The following SLC16A10 variants were observed in gnomAD, a reference collection of about 807,000 sequenced individuals.
The protein encoded by SLC16A10 is monocarboxylate transporter 10.
In SLC16A10, 27 loss-of-function variants were observed where a neutral mutation model predicts 40.0. The ratio of observed to expected loss-of-function variants is 0.67; its 90% CI spans 0.50 to 0.93. The LOEUF is 0.93. Among genes scored for constraint, SLC16A10 ranks in the 40% least tolerant of loss-of-function variants. The pLI is 0.00. For synonymous variants in SLC16A10, 213 were observed against 249.8 expected, an observed-to-expected ratio of 0.85 and a Z score of 1.39; for missense variants, 529 against 658.2, an observed-to-expected ratio of 0.80 and a Z score of 2.15.
At chr6:111,164,589 G>A (rs931948941) in intron 1 of SLC16A10, among the ~76,000 whole-genome samples, 2 of 151,712 alleles carry the variant, frequency 1.3e-5, no homozygotes, top group Non-Finnish European at 2.9e-5. Context: ...GTGAAAATCC[G>A]TCTCTACTAA....
intron 1 of SLC16A10, among the ~76,000 whole-genome samples, chr6:111,117,384 G>T (rs899814082): frequency 6.7e-6 from 1 of 149,692 alleles, no homozygotes; most frequent in Admixed American, 6.6e-5. Flanking sequence ...AAAGTGGGAG[G>T]GTCAAAGCCA....
chr6:111,172,956 T>TA, intron 2 of SLC16A10, 117 bp downstream of exon 2: 1 of 1,300,196 alleles, frequency 7.7e-7, no homozygotes, highest in Non-Finnish European at 1.1e-6. Flanking sequence ...TTTAAAACTT[T>TA]AAGCAATATG....
chr6:111,208,258 T>C (rs1773287318), intron 4 of SLC16A10, among the ~76,000 whole-genome samples: 1 of 152,056 alleles, frequency 6.6e-6, no homozygotes, highest in Admixed American at 6.5e-5. Flanking sequence ...GGATTACAGG[T>C]GTGAGCCATG....
chr6:111,170,107 G>A (rs554327258), intron 1 of SLC16A10, among the ~76,000 whole-genome samples: 116 of 151,926 alleles, frequency 7.6e-4, no homozygotes, highest in Non-Finnish European at 1.3e-3. Context: ...TAGTAGAGAC[G>A]AGGTGTCTCC....
intron 1 of SLC16A10, among the ~76,000 whole-genome samples, chr6:111,110,450 A>G (rs1771366429): frequency 6.6e-6 from 1 of 151,968 alleles, no homozygotes; most frequent in Non-Finnish European, 1.5e-5. Context: ...TTGATGGGGT[A>G]AGGTTCATGA....
chr6:111,093,740 C>CTA (rs1161526790), intron 1 of SLC16A10, among the ~76,000 whole-genome samples: 1 of 152,130 alleles, frequency 6.6e-6, no homozygotes, highest in African/African-American at 2.4e-5. Context: ...GTTCATGGTC[C>CTA]TATACATCTT....
intron 1 of SLC16A10, among the ~76,000 whole-genome samples, chr6:111,094,304 A>G (rs945378433): frequency 6.6e-6 from 1 of 151,982 alleles, no homozygotes; most frequent in South Asian, 2.1e-4. Flanking sequence ...CTTATTTACT[A>G]TTTCTGGACA....
chr6:111,148,569 G>A (rs187171497), intron 1 of SLC16A10, among the ~76,000 whole-genome samples: 1 of 152,342 alleles, frequency 6.6e-6, no homozygotes, highest in African/African-American at 2.4e-5. Flanking sequence ...GGGTTGATAT[G>A]TTTTTAGAAT....
At chr6:111,101,368 C>T (rs960362414) in intron 1 of SLC16A10, among the ~76,000 whole-genome samples, 19 of 151,930 alleles carry the variant, frequency 1.3e-4, no homozygotes, top group Admixed American at 6.6e-5. Flanking sequence ...AACCTGCTCC[C>T]TACTGAAGTA....
chr6:111,221,288 T>C (rs1194104648), intron 5 of SLC16A10, among the ~76,000 whole-genome samples: 10 of 152,336 alleles, frequency 6.6e-5, no homozygotes, highest in Admixed American at 5.9e-4. Context: ...ATAATTCTTA[T>C]ATACTTACAT....
intron 1 of SLC16A10, among the ~76,000 whole-genome samples, chr6:111,124,506 G>A (rs1771639521): frequency 6.6e-6 from 1 of 152,032 alleles, no homozygotes; most frequent in Admixed American, 6.5e-5. Flanking sequence ...AGGACTACAG[G>A]CGTGCACCAC....
intron 4 of SLC16A10, among the ~76,000 whole-genome samples, chr6:111,208,872 G>A (rs1488624824): frequency 6.6e-6 from 1 of 152,072 alleles, no homozygotes; most frequent in Non-Finnish European, 1.5e-5. Flanking sequence ...TTAAGTGGGT[G>A]AATTTCATAG....
intron 1 of SLC16A10, among the ~76,000 whole-genome samples, chr6:111,144,351 A>C (rs1406270491): frequency 1.3e-5 from 2 of 152,082 alleles, no homozygotes; most frequent in East Asian, 3.9e-4. Flanking sequence ...CTACAGGCAC[A>C]CGCTGCTATG....
At chr6:111,186,848 T>C (rs1772906608) in intron 3 of SLC16A10, among the ~76,000 whole-genome samples, 1 of 152,150 alleles carries the variant, frequency 6.6e-6, no homozygotes, top group Admixed American at 6.5e-5. Context: ...TACTTGTAAT[T>C]AGAAAGTTTA....
chr6:111,101,005 TATATATATATATAA>T (rs1399704502), intron 1 of SLC16A10, among the ~76,000 whole-genome samples: 185 of 142,116 alleles, frequency 1.3e-3, no homozygotes, highest in African/African-American at 4.6e-3. Context: ...TATATATATA[TATATATATATATAA>T]ATATATGTAT....
chr6:111,152,280 C>G (rs1420072360), intron 1 of SLC16A10, among the ~76,000 whole-genome samples: 1 of 152,134 alleles, frequency 6.6e-6, no homozygotes, highest in Non-Finnish European at 1.5e-5. Flanking sequence ...TTCTTTCTAG[C>G]TTTTGTCCCC....
chr6:111,165,971 T>C (rs1412765446), intron 1 of SLC16A10, among the ~76,000 whole-genome samples: 1 of 152,164 alleles, frequency 6.6e-6, no homozygotes, highest in Non-Finnish European at 1.5e-5. Context: ...TTTTTTTTCC[T>C]TCAGAGACCT....
rs937759446 is a variant in SLC16A10 at position 111,226,038 on chromosome 6, G to A, written c.*3803G>A. Reference sequence around the variant, plus strand: ...GGTGAATGGCTTTCTCTCAGCCTTCGACTTAGTTCTAATGATCTACATTGA... The same window carrying A: ...GGTGAATGGCTTTCTCTCAGCCTTCAACTTAGTTCTAATGATCTACATTGA... On this transcript the variant is annotated 3_prime_UTR_variant, in exon 6 of 6. Transcript: ENST00000368851. The A allele has an allele frequency of 2.0e-5, 3 of 151,998 alleles. No homozygotes were observed. The highest frequency in any genetic ancestry group is 1.3e-4 in the Admixed American group (2 of 15,260). 9.4% of individuals were successfully genotyped at this position (151,998 alleles called of 1,614,324 possible). A position where few individuals can be genotyped will look rare whatever the true frequency, so the allele number is the denominator to read the frequency against.
At chr6:111,091,805 C>A (rs1300815536) in intron 1 of SLC16A10, among the ~76,000 whole-genome samples, 1 of 152,234 alleles carries the variant, frequency 6.6e-6, no homozygotes. Flanking sequence ...TGAGTTTACA[C>A]ATCTTACTGT....
Sources: gnomAD v4.1 joint callset for allele counts (sites outside exome capture counted in the v4.1 genomes callset) on GRCh38, gnomAD v4.1.1 for gene constraint, MANE v1.5 for transcripts, NCBI Gene and HGNC (gene_info 2026-07-23, HGNC 2026-07-21) for gene names.